The following TMTC2 variants were observed in gnomAD, a reference collection of about 807,000 sequenced individuals.
TMTC2 encodes the protein transmembrane O-mannosyltransferase targeting cadherins 2.
In TMTC2, 43 loss-of-function variants were observed where a neutral mutation model predicts 82.4. The ratio of observed to expected loss-of-function variants is 0.52; its 90% confidence interval spans 0.41 to 0.67. The LOEUF is 0.67. Among genes scored for constraint, TMTC2 ranks in the 30% least tolerant of loss-of-function variants. The pLI, the probability that TMTC2 is intolerant of heterozygous loss-of-function variation, is 0.00. For missense variants in TMTC2, 919 were observed against 1,012.4 expected, an observed-to-expected ratio of 0.91 and a Z score of 1.25; for synonymous variants, 408 against 381.9, an observed-to-expected ratio of 1.07 and a Z score of -0.80.
intron 1 of TMTC2, among the ~76,000 whole-genome samples, chr12:82,706,901 A>C (rs1873387167): frequency 6.6e-6 from 1 of 152,188 alleles, no homozygotes; most frequent in Non-Finnish European, 1.5e-5. Context: ...ATGTCAGAAC[A>C]TCTCTGCTCA....
At chr12:82,917,954 G>A (rs1875114528) in intron 3 of TMTC2, among the ~76,000 whole-genome samples, 1 of 151,846 alleles carries the variant, frequency 6.6e-6, no homozygotes, top group African/African-American at 2.4e-5. Flanking sequence ...CTAGAGTGCA[G>A]TGGTGCCATC....
intron 8 of TMTC2, among the ~76,000 whole-genome samples, chr12:82,990,827 T>G (rs1879366790): frequency 6.6e-6 from 1 of 152,140 alleles, no homozygotes; most frequent in Non-Finnish European, 1.5e-5. Context: ...CCTCCAGTAC[T>G]CATTCCCTCA....
intron 1 of TMTC2, among the ~76,000 whole-genome samples, chr12:82,832,487 C>T (rs117336817): frequency 0.014 from 2,157 of 152,058 alleles, 25 homozygotes; most frequent in South Asian, 0.027. Context: ...TATTGTAAAT[C>T]AGTATCTGAG....
chr12:83,097,939 G>A (rs1009524242), intron 11 of TMTC2, among the ~76,000 whole-genome samples: 3 of 152,204 alleles, frequency 2.0e-5, no homozygotes, highest in Non-Finnish European at 4.4e-5. Context: ...GAGATTGGCA[G>A]TGGTAGATGG....
intron 2 of TMTC2, among the ~76,000 whole-genome samples, chr12:82,882,149 G>A (rs866886082): frequency 4.7e-5 from 7 of 149,562 alleles, no homozygotes; most frequent in South Asian, 2.1e-4. Context: ...ACAGGCGCCC[G>A]CCACTACGCC....
chr12:82,866,181 T>G (rs1204156337), intron 2 of TMTC2, among the ~76,000 whole-genome samples: 1 of 106,960 alleles, frequency 9.3e-6, no homozygotes, highest in South Asian at 3.4e-4. Flanking sequence ...CTGAAGGAGA[T>G]AGAGACACAA....
Position 82,708,345 on chromosome 12 carries a change from A to C in TMTC2, c.83+20676A>C, listed in dbSNP as rs530061549. On this transcript the variant is annotated intron_variant, in intron 1 of 11. Coordinates refer to ENST00000321196, the MANE Select transcript of TMTC2 (RefSeq NM_152588.3). ...CTACGATGTAATTGTTAGGAGTGAA[A>C]GCTCAAGGTCAGACTTAGAGATGTA... Among the ~76,000 whole-genome samples the C allele has an allele frequency of 3.3e-5, 5 of 152,296 alleles. No individual in the cohort carries two copies. The East Asian group carries it at 9.7e-4, about 29-fold the overall frequency.
chr12:82,741,628 A>G (rs565603238), intron 1 of TMTC2, among the ~76,000 whole-genome samples: 3 of 152,198 alleles, frequency 2.0e-5, no homozygotes, highest in Admixed American at 6.5e-5. Flanking sequence ...TAGCTTTTCA[A>G]TTTACCAATC....
chr12:82,800,077 C>G (rs1878919577), intron 1 of TMTC2, among the ~76,000 whole-genome samples: 3 of 152,056 alleles, frequency 2.0e-5, no homozygotes, highest in Admixed American at 6.6e-5. Flanking sequence ...AGAATCTAAC[C>G]TGGTTTCAAA....
chr12:82,760,289 T>G (rs188664138), intron 1 of TMTC2: 1 of 152,026 alleles, frequency 6.6e-6, no homozygotes, highest in Non-Finnish European at 1.5e-5. Flanking sequence ...ATCCTGGAAA[T>G]TTTTTCTGAC....
intron 11 of TMTC2, among the ~76,000 whole-genome samples, chr12:83,097,360 T>C (rs1038585886): frequency 9.9e-5 from 15 of 152,182 alleles, no homozygotes; most frequent in African/African-American, 3.6e-4. Context: ...AACTTATAAG[T>C]CACAAATCAG....
intron 1 of TMTC2, among the ~76,000 whole-genome samples, chr12:82,719,402 T>G (rs1374441971): frequency 6.6e-6 from 1 of 152,118 alleles, no homozygotes; most frequent in African/African-American, 2.4e-5. Context: ...TGGATGATTA[T>G]ATTTTAAATA....
At chr12:82,793,861 A>G (rs1017138872) in intron 1 of TMTC2, among the ~76,000 whole-genome samples, 2 of 152,084 alleles carry the variant, frequency 1.3e-5, no homozygotes, top group Non-Finnish European at 2.9e-5. Flanking sequence ...GAGATATATA[A>G]CCTCTGAACC....
At chr12:83,035,551 C>T (rs766946330) in intron 9 of TMTC2, among the ~76,000 whole-genome samples, 5 of 152,042 alleles carry the variant, frequency 3.3e-5, no homozygotes, top group African/African-American at 9.7e-5. Flanking sequence ...TTAAGGAATG[C>T]GTAGAAAATA....
At chr12:82,857,787 C>CT (rs1392473766) in intron 2 of TMTC2, among the ~76,000 whole-genome samples, 1 of 152,168 alleles carries the variant, frequency 6.6e-6, no homozygotes, top group Non-Finnish European at 1.5e-5. Context: ...TGGTTTCTTA[C>CT]TTTCATGATT....
intron 1 of TMTC2, among the ~76,000 whole-genome samples, chr12:82,710,851 A>C (rs550488724): frequency 2.6e-4 from 40 of 152,236 alleles, no homozygotes; most frequent in Non-Finnish European, 5.1e-4. Flanking sequence ...TGTTAAGAGC[A>C]TGGAATGGAA....
intron 1 of TMTC2, among the ~76,000 whole-genome samples, chr12:82,790,101 CTGAGGAGGT>C (rs143044572): frequency 0.013 from 1,968 of 150,662 alleles, 44 homozygotes; most frequent in African/African-American, 0.046. Context: ...ACTTAGGAGG[CTGAGGAGGT>C]AGGATGAATT....
intron 1 of TMTC2, among the ~76,000 whole-genome samples, chr12:82,704,661 A>T (rs1565714904): frequency 6.7e-6 from 1 of 150,218 alleles, no homozygotes; most frequent in Non-Finnish European, 1.5e-5. Context: ...GTAAAATAGT[A>T]TTTTTTTTTG....
chr12:83,119,853 TA>T (rs1450757857), intron 11 of TMTC2, among the ~76,000 whole-genome samples: 2 of 152,204 alleles, frequency 1.3e-5, no homozygotes, highest in Non-Finnish European at 2.9e-5. Context: ...AGGATTGTGA[TA>T]TTTTTCTGTT....
Sources: gnomAD v4.1 joint callset for allele counts (sites outside exome capture counted in the v4.1 genomes callset) on GRCh38, gnomAD v4.1.1 for gene constraint, MANE v1.5 for transcripts, NCBI Gene and HGNC (gene_info 2026-07-23, HGNC 2026-07-21) for gene names.